The following TEP1 variants were observed in gnomAD, a reference collection of about 807,000 sequenced individuals.
TEP1 encodes the protein telomerase protein component 1.
Under a neutral mutation model 306.3 loss-of-function variants are expected in TEP1, and 241 were observed. The ratio of observed to expected loss-of-function variants is 0.79; its 90% CI spans 0.71 to 0.88. TEP1 has a LOEUF of 0.88. TEP1 is among the 40% of genes least tolerant of loss of function. TEP1 has a pLI of 0.00. For missense variants in TEP1, 3,051 were observed against 3,276.1 expected, an observed-to-expected ratio of 0.93 and a Z score of 1.68; for synonymous variants, 1,289 against 1,305.5, an observed-to-expected ratio of 0.99 and a Z score of 0.27.
chr14:20,387,049 C>T (rs59435534), intron 18 of TEP1, among the ~76,000 whole-genome samples: 36,270 of 151,046 alleles, frequency 0.24, 4,493 homozygotes, highest in African/African-American at 0.28. Flanking sequence ...ATTCTCCCAC[C>T]TCAGCCTCCC....
At chr14:20,389,780 C>A (rs757523832) in intron 15 of TEP1, 40 bp from the exon 16 acceptor site, 1 of 1,611,038 alleles carries the variant, frequency 6.2e-7, no homozygotes, top group East Asian at 2.2e-5. Flanking sequence ...AGAAGGGATG[C>A]TAGACAGCCC....
At chr14:20,403,489 G>A in intron 6 of TEP1, 41 bp from the exon 7 acceptor site, 1 of 1,612,936 alleles carries the variant, frequency 6.2e-7, no homozygotes, top group Non-Finnish European at 8.5e-7. Flanking sequence ...AAGGGAACTG[G>A]CTGTCCTTGA....
chr14:20,377,550 G>C (rs1446137718), intron 40 of TEP1, 50 bp downstream of exon 40: 2 of 1,613,112 alleles, frequency 1.2e-6, no homozygotes, highest in African/African-American at 2.7e-5. Flanking sequence ...GGGGGCAGGG[G>C]CTGCGCTCTT....
In TEP1 at chr14:20,408,044, C is replaced by T; in HGVS notation, c.396G>A (p.Gln132=). Residue 132 remains glutamine, a synonymous_variant, in exon 2 of 55, where the codon CAG becomes CAA. Transcript: ENST00000262715. ...VSASPLFQSL[Q]ISHMTQADLY... ...AATCAGCTTGCGTCATGTGAGATAT[C>T]TGTAGACTCTGGAACAAGGGGCTGG... is the stretch of plus-strand genomic sequence containing the variant. 8 of 1,614,188 alleles carry T rather than the reference C, an allele frequency of 5.0e-6. No homozygotes were observed. Among genetic ancestry groups the T allele is most frequent in the Non-Finnish European group, 6.8e-6 (8 of 1,180,048 alleles).
chr14:20,407,803 C>T (rs1879299433), intron 2 of TEP1, 70 bp downstream of exon 2: 1 of 1,335,468 alleles, frequency 7.5e-7, no homozygotes, highest in South Asian at 1.4e-5. Flanking sequence ...GAAACTGAGA[C>T]ACTGAAAGCT....
Position 20,380,794 on chromosome 14 carries a change from A to AT in TEP1, c.4762+136dup, listed in dbSNP as rs1885487039. 3 of 780,498 alleles carry AT rather than the reference A, an allele frequency of 3.8e-6. No individual in the cohort carries two copies. The East Asian group carries it at 8.0e-5, about 21-fold the overall frequency. The allele number at this position is 780,498 out of a possible 1,614,324, so 48.3% of individuals were successfully genotyped here. ...AGAGTCACGTGCTCACCCTCTTGGC[A>AT]TTTTCAACTCGAAATGGAAATTTGA... is the stretch of plus-strand genomic sequence containing the variant. On this transcript the variant is annotated intron_variant, in intron 33 of 54. Coordinates refer to ENST00000262715, the MANE Select transcript of TEP1 (RefSeq NM_007110.5).
chr14:20,384,530 C>A, intron 22 of TEP1, 22 bp from the exon 23 acceptor site: 1 of 1,614,098 alleles, frequency 6.2e-7, no homozygotes, highest in Non-Finnish European at 8.5e-7. Flanking sequence ...TCAAGCACAA[C>A]CAGGTCAGAG....
rs1328823795 is a variant in TEP1, at chr14:20,379,054, G to A, written c.5179C>T (p.Leu1727Phe). 1.9e-6 allele frequency: 3 copies of A among 1,614,138 alleles called. No homozygotes were observed. The highest frequency in any genetic ancestry group is 3.3e-5 in the Admixed American group (2 of 60,014). ...GTAAGAAAGAGTGTATCATCGGAGA[G>A]GAACAAACAAGCAGAGATTCCATCA... The part of the protein sequence containing the change: ...GCDGISACLF[L>F]SDDTLFLTAF... Residue 1727 changes from leucine to phenylalanine, a missense_variant, in exon 36 of 55, where the codon CTC becomes TTC. Leu to Phe is a conservative substitution (Grantham distance 22). This residue lies in a region of TEP1 where 1,540 missense variants were observed against 1,705.9 expected (regional missense o/e 0.90). Coordinates refer to ENST00000262715, the MANE Select transcript of TEP1 (RefSeq NM_007110.5).
At chr14:20,384,898 C>G in intron 21 of TEP1, 87 bp downstream of exon 21, 2 of 1,592,134 alleles carry the variant, frequency 1.3e-6, no homozygotes, top group South Asian at 1.1e-5. Context: ...TAGCACTCCC[C>G]TTCTATACTC....
rs145784365 is a variant in TEP1, at chr14:20,386,605, A to C, written c.2703T>G (p.Leu901=). The part of the protein sequence containing the change: ...VSQQGWRSIR[L]FISSTFRDMH... Reference sequence around the variant, plus strand: ...TGTCTCGGAAAGTGGATGAAATGAAAAGCCGGATGCTGCGCCATCTGGGGA... The same window carrying C: ...TGTCTCGGAAAGTGGATGAAATGAACAGCCGGATGCTGCGCCATCTGGGGA... Residue 901 remains leucine (L), a synonymous_variant, in exon 19 of 55, where the codon CTT becomes CTG. Coordinates refer to ENST00000262715, the MANE Select transcript of TEP1 (RefSeq NM_007110.5). 4 of 1,604,036 alleles carry C rather than the reference A, an allele frequency of 2.5e-6. No individual in the cohort carries two copies. Among genetic ancestry groups the C allele is most frequent in the African/African-American group, 2.7e-5 (2 of 74,852 alleles).
rs778831076 is a variant in TEP1 at position 20,376,303 on chromosome 14, G to A, written c.6089-39C>T. The stretch of plus-strand genomic sequence containing the variant: ...AGAGAGAGGGAACAGCTTCCTGAAA[G>A]AGGAAGCCAGACAGGCCCTGGGAGG... On this transcript the variant is annotated intron_variant, in intron 41 of 54. Transcript: ENST00000262715. The A allele has an allele frequency of 1.3e-5, 21 of 1,593,186 alleles. No individual in the cohort carries two copies. The South Asian group carries it at 2.1e-4, about 16-fold the overall frequency.
intron 41 of TEP1, 106 bp from the exon 42 acceptor site, chr14:20,376,370 A>T: frequency 8.4e-7 from 1 of 1,186,832 alleles, no homozygotes; most frequent in Non-Finnish European, 1.2e-6. Context: ...GTGACACCTG[A>T]GGCTCAGCTC....
In TEP1 at chr14:20,378,242, C is replaced by T. The variant is rs755257631; in HGVS notation, c.5509-6G>A. 8.1e-6 allele frequency: 13 copies of T among 1,613,532 alleles called. No homozygotes were observed. In the South Asian group the frequency reaches 1.4e-4, roughly 18 times the overall value. The stretch of plus-strand genomic sequence containing the variant: ...GCTCCGGGTGCCCCCAGGTCCTACA[C>T]AGGGAGGTAGAAATGGAAACGTGAA... On this transcript the variant is annotated splice_region_variant and splice_polypyrimidine_tract_variant and intron_variant, in intron 38 of 54. Coordinates refer to ENST00000262715, the MANE Select transcript of TEP1 (RefSeq NM_007110.5).
intron 43 of TEP1, 57 bp from the exon 44 acceptor site, chr14:20,374,593 A>G: frequency 2.2e-6 from 3 of 1,352,012 alleles, no homozygotes; most frequent in East Asian, 2.4e-5. Context: ...GCATTTTGGT[A>G]TATCTGTAGT....
Position 20,391,598 on chromosome 14 carries a change from C to T in TEP1, c.2097+1G>A. ...TTGGAGGATGCTTTTTGTTTTCTTA[C>T]CCCTTGTGGGTTGCTCTTTGGACAG... On this transcript the variant is annotated splice_donor_variant, in intron 13 of 54. Coordinates refer to ENST00000262715, the MANE Select transcript of TEP1 (RefSeq NM_007110.5). LOFTEE classifies it high-confidence loss of function. 6.2e-7 allele frequency: 1 copy of T among 1,610,798 alleles called. No individual in the cohort carries two copies. Among genetic ancestry groups the T allele is most frequent in the Non-Finnish European group, 8.5e-7 (1 of 1,177,958 alleles).
At position 20,388,020 on chromosome 14, in the gene TEP1, C is replaced by A; in HGVS notation, c.2569G>T (p.Gly857Cys). The change falls in exon 18 of 55, where the codon GGC becomes TGC. Residue 857 changes from glycine (G) to cysteine (C), a missense_variant. Gly to Cys is a radical substitution (Grantham distance 159). Coordinates refer to ENST00000262715, the MANE Select transcript of TEP1 (RefSeq NM_007110.5). ...HGASHLLEHV[G>C]QMDKIFKIPP... ...ATCTTGAATATTTTGTCCATTTGGCCCACATGTTCCAGAAGATGGGAGGCC... is the reference window on the plus strand; with the variant it reads ...ATCTTGAATATTTTGTCCATTTGGCACACATGTTCCAGAAGATGGGAGGCC... 1.2e-6 allele frequency: 2 copies of A among 1,614,036 alleles called. No homozygotes were observed. The highest frequency in any genetic ancestry group is 2.2e-5 in the South Asian group (2 of 91,050).
At chr14:20,408,844 C>A (rs1760896) in intron 1 of TEP1, among the ~76,000 whole-genome samples, 67,330 of 145,886 alleles carry the variant, frequency 0.46, 15,656 homozygotes, top group African/African-American at 0.6. Context: ...AAAAAAAAAA[C>A]AACAAAAAGG....
intron 51 of TEP1, 73 bp downstream of exon 51, chr14:20,371,145 G>C: frequency 7.7e-7 from 1 of 1,299,364 alleles, no homozygotes; most frequent in Non-Finnish European, 1.1e-6. Flanking sequence ...TATCCTCCAT[G>C]ACGGGCCCCA....
At chr14:20,399,427 AT>A (rs1878477241) in intron 9 of TEP1, among the ~76,000 whole-genome samples, 1 of 152,164 alleles carries the variant, frequency 6.6e-6, no homozygotes, top group Non-Finnish European at 1.5e-5. Flanking sequence ...TTCCAAAAAA[AT>A]GTTAATGAGT....
Sources: allele counts gnomAD v4.1 joint callset (sites outside exome capture counted in the v4.1 genomes callset), GRCh38; gene constraint gnomAD v4.1.1; regional missense constraint gnomAD v4.1.1; transcripts MANE v1.5; gene names NCBI Gene and HGNC (gene_info 2026-07-23, HGNC 2026-07-21).